MAST4: variants seen among roughly 807,000 people sequenced by gnomAD.
The protein encoded by MAST4 is microtubule-associated serine/threonine-protein kinase 4.
In MAST4, 89 loss-of-function variants were observed where a neutral mutation model predicts 162.7. That is an observed-to-expected ratio of 0.55 (90% CI 0.46 to 0.65). MAST4 has a LOEUF of 0.65. MAST4 is among the 30% of genes least tolerant of loss of function. The pLI is 0.00. For synonymous variants in MAST4, 1,479 were observed against 1,361.1 expected (o/e 1.09, Z -1.91); for missense variants, 3,153 against 3,374.0 (o/e 0.93, Z 1.62).
chr5:67,059,035 T>G (rs886123069), intron 5 of MAST4, among the ~76,000 whole-genome samples: 36 of 152,220 alleles, frequency 2.4e-4, no homozygotes, highest in African/African-American at 8.2e-4. Context: ...AATCAAGGTG[T>G]TGGTTGAGCT....
chr5:67,000,489 G>A (rs756184814), intron 4 of MAST4, among the ~76,000 whole-genome samples: 12 of 152,158 alleles, frequency 7.9e-5, no homozygotes, highest in Non-Finnish European at 1.3e-4. Context: ...GGTGGCTCAC[G>A]CCTGTAAGCA....
intron 2 of MAST4, among the ~76,000 whole-genome samples, chr5:66,785,696 A>G (rs1442338149): frequency 2.0e-5 from 3 of 152,136 alleles, no homozygotes; most frequent in Non-Finnish European, 4.4e-5. Context: ...CTTGATCAGT[A>G]TTGTTCTAAT....
At chr5:67,117,052 A>G (rs1035112817) in intron 12 of MAST4, among the ~76,000 whole-genome samples, 1 of 152,160 alleles carries the variant, frequency 6.6e-6, no homozygotes, top group Non-Finnish European at 1.5e-5. Flanking sequence ...TGAGATAATA[A>G]TAGTATCTAT....
intron 1 of MAST4, among the ~76,000 whole-genome samples, chr5:66,613,499 C>T (rs1406627046): frequency 6.6e-6 from 1 of 152,058 alleles, no homozygotes; most frequent in Non-Finnish European, 1.5e-5. Flanking sequence ...AAAACTTCTT[C>T]AAGGAGAAAC....
In MAST4 at chr5:67,133,546, T is replaced by G; in HGVS notation, c.2126T>G (p.Leu709Arg). Residue 709 changes from leucine to arginine, a missense_variant, in exon 17 of 29, where the codon CTG (leucine) becomes CGG (arginine). Leu to Arg is a moderately radical substitution (Grantham distance 102, BLOSUM62 -2). This residue lies in a region of MAST4 where 131 missense variants were observed against 253.8 expected (regional missense o/e 0.52). Transcript: ENST00000403625. ...GTTACCTCCATGGGGCACATAAAGCTGACAGATTTTGGATTATCTAAGGTG... is the reference window on the plus strand; with the variant it reads ...GTTACCTCCATGGGGCACATAAAGCGGACAGATTTTGGATTATCTAAGGTG... ...LLVTSMGHIK[L>R]TDFGLSKVGL... 1 of 1,613,468 alleles carries G rather than the reference T, an allele frequency of 6.2e-7. No homozygotes were observed. The highest frequency in any genetic ancestry group is 8.5e-7 in the Non-Finnish European group (1 of 1,179,444).
chr5:66,874,752 C>G (rs1419364166), intron 3 of MAST4, among the ~76,000 whole-genome samples: 1 of 152,192 alleles, frequency 6.6e-6, no homozygotes, highest in Admixed American at 6.5e-5. Context: ...CTAATGATAA[C>G]AAGGTTTCTA....
intron 5 of MAST4, among the ~76,000 whole-genome samples, chr5:67,062,069 T>C (rs1264595718): frequency 1.3e-5 from 2 of 152,270 alleles, no homozygotes; most frequent in East Asian, 3.9e-4. Context: ...TCATTAGAGA[T>C]GAATGATCTT....
chr5:66,706,912 C>T (rs187447553), intron 1 of MAST4, among the ~76,000 whole-genome samples: 31 of 152,204 alleles, frequency 2.0e-4, no homozygotes, highest in Admixed American at 1.8e-3. Flanking sequence ...TGTTAGAGTT[C>T]GTAGTCAAGA....
intron 4 of MAST4, among the ~76,000 whole-genome samples, chr5:66,960,509 T>A (rs999871665): frequency 6.6e-6 from 1 of 150,470 alleles, no homozygotes; most frequent in African/African-American, 2.4e-5. Context: ...ACTCTCACCA[T>A]CTGTGTGGAA....
At chr5:66,659,595 A>G (rs892430827) in intron 1 of MAST4, among the ~76,000 whole-genome samples, 5 of 152,224 alleles carry the variant, frequency 3.3e-5, no homozygotes, top group Non-Finnish European at 7.3e-5. Context: ...TATAAGTCAT[A>G]ACTTAAATTC....
chr5:66,686,986 A>G (rs2149491104), intron 1 of MAST4, among the ~76,000 whole-genome samples: 1 of 152,330 alleles, frequency 6.6e-6, no homozygotes, highest in Non-Finnish European at 1.5e-5. Context: ...AAAAGTGTGC[A>G]AAGAATGTTC....
intron 3 of MAST4, among the ~76,000 whole-genome samples, chr5:66,883,384 C>T (rs1580757186): frequency 6.7e-6 from 1 of 148,320 alleles, no homozygotes; most frequent in Middle Eastern, 3.6e-3. Flanking sequence ...AAGCCTTGGC[C>T]ATTGATAAAT....
chr5:66,961,255 A>T (rs1259239169), intron 4 of MAST4, among the ~76,000 whole-genome samples: 1 of 152,236 alleles, frequency 6.6e-6, no homozygotes, highest in Non-Finnish European at 1.5e-5. Flanking sequence ...GATTCTATTA[A>T]AAGCAGATTT....
intron 4 of MAST4, among the ~76,000 whole-genome samples, chr5:66,933,414 T>C (rs1013024453): frequency 6.6e-5 from 10 of 152,210 alleles, no homozygotes; most frequent in Non-Finnish European, 1.3e-4. Flanking sequence ...TGGTCCCAAC[T>C]TATTTTTCTC....
At chr5:66,608,752 G>A (rs1023097691) in intron 1 of MAST4, among the ~76,000 whole-genome samples, 9 of 136,832 alleles carry the variant, frequency 6.6e-5, no homozygotes, top group East Asian at 2.5e-4. Context: ...AGCATGGCAC[G>A]TCAGTTTTAG....
At chr5:67,135,497 T>C (rs546696162) in intron 18 of MAST4, among the ~76,000 whole-genome samples, 6 of 152,302 alleles carry the variant, frequency 3.9e-5, no homozygotes, top group Non-Finnish European at 7.4e-5. Flanking sequence ...GGTCCAGCAG[T>C]GGAAGTAGGG....
At chr5:66,915,199 G>A (rs144112130) in intron 4 of MAST4, among the ~76,000 whole-genome samples, 4,271 of 150,642 alleles carry the variant, frequency 0.028, 222 homozygotes, top group African/African-American at 0.098. Context: ...CCAGGAGGCG[G>A]AGGTAGCAGT....
intron 4 of MAST4, among the ~76,000 whole-genome samples, chr5:66,932,109 T>A (rs965607212): frequency 6.6e-6 from 1 of 152,192 alleles, no homozygotes; most frequent in African/African-American, 2.4e-5. Flanking sequence ...AGATAATCTG[T>A]TTGTCAAACT....
intron 1 of MAST4, among the ~76,000 whole-genome samples, chr5:66,640,301 AT>A (rs1317030678): frequency 3.4e-5 from 5 of 146,716 alleles, no homozygotes; most frequent in African/African-American, 1.0e-4. Flanking sequence ...ATATCTCACA[AT>A]TTGTTTCTTT....
Sources: gnomAD v4.1 joint callset for allele counts (sites outside exome capture counted in the v4.1 genomes callset) on GRCh38, gnomAD v4.1.1 for gene constraint, gnomAD v4.1.1 regional missense constraint, MANE v1.5 for transcripts, NCBI Gene and HGNC (gene_info 2026-07-23, HGNC 2026-07-21) for gene names.